Variants in STARD13 observed in about 807,000 individuals in gnomAD.
STARD13 encodes stAR-related lipid transfer protein 13.
Under a neutral mutation model 106.4 loss-of-function variants are expected in STARD13, and 62 were observed. The observed-to-expected ratio is 0.58, with a 90% CI of 0.48 to 0.72. The LOEUF is 0.72. Ranked by LOEUF, STARD13 falls within the 30% of genes least tolerant of loss-of-function variation. The pLI, the probability that STARD13 is intolerant of heterozygous loss-of-function variation, is 0.00. For synonymous variants in STARD13, 565 were observed against 553.0 expected (o/e 1.02, Z -0.31); for missense variants, 1,387 against 1,424.0 (o/e 0.97, Z 0.42).
chr13:33,248,767 T>G (rs1297669978), intron 1 of STARD13, among the ~76,000 whole-genome samples: 3 of 152,258 alleles, frequency 2.0e-5, no homozygotes, highest in African/African-American at 7.2e-5. Context: ...TCCTTTCCCT[T>G]ATTCAGTGTT....
the STARD13 span, among the ~76,000 whole-genome samples, chr13:33,428,885 A>C: frequency 7.2e-5 from 11 of 152,250 alleles, no homozygotes; most frequent in African/African-American, 2.7e-4. Context: ...CATTTCTCAA[A>C]AGGAGACATG....
At chr13:33,392,710 G>C in the STARD13 span, among the ~76,000 whole-genome samples, 1 of 152,180 alleles carries the variant, frequency 6.6e-6, no homozygotes, top group Non-Finnish European at 1.5e-5. Flanking sequence ...TGGTAATCAA[G>C]TTCTACATTT....
intron 3 of STARD13, among the ~76,000 whole-genome samples, chr13:33,156,653 G>A (rs1460630417): frequency 6.6e-6 from 1 of 152,032 alleles, no homozygotes; most frequent in East Asian, 1.9e-4. Flanking sequence ...CTCTGTAAAG[G>A]GGGAATGATG....
the STARD13 span, among the ~76,000 whole-genome samples, chr13:33,469,988 G>A: frequency 2.0e-5 from 3 of 152,026 alleles, no homozygotes; most frequent in African/African-American, 7.2e-5. Flanking sequence ...ATGTGCCATG[G>A]TGGTTTGCTG....
chr13:33,216,047 AAAAAAAT>A (rs1204864277), intron 1 of STARD13, among the ~76,000 whole-genome samples: 1 of 152,148 alleles, frequency 6.6e-6, no homozygotes, highest in East Asian at 1.9e-4. Flanking sequence ...GGCCATAATA[AAAAAAAT>A]AAAAAATAAA....
rs1311954430 is a variant in STARD13, at chr13:33,129,056, CAG to C, written c.1619_1620del (p.Ser540CysfsTer10). ...CTGGGTGTCGTCCGACCTTCTGAGACAGAGTTACCTTCAAAATCTAAGGTGAT... is the reference window on the plus strand; with the variant it reads ...CTGGGTGTCGTCCGACCTTCTGAGACAGTTACCTTCAAAATCTAAGGTGAT... ...NQITLDFEGN[S>X]VSEGRTTPSD... On this transcript the variant is annotated frameshift_variant, in exon 5 of 14. Transcript: ENST00000336934. LOFTEE classifies it high-confidence loss of function. The C allele has an allele frequency of 6.2e-7, 1 of 1,614,012 alleles. No homozygotes were observed. Among genetic ancestry groups the C allele is most frequent in the Non-Finnish European group, 8.5e-7 (1 of 1,180,040 alleles).
intron 1 of STARD13, among the ~76,000 whole-genome samples, chr13:33,216,682 C>A (rs1055060287): frequency 1.3e-5 from 2 of 152,058 alleles, no homozygotes; most frequent in African/African-American, 4.8e-5. Flanking sequence ...CTCATGTAAC[C>A]AAACACCGCC....
the STARD13 span, among the ~76,000 whole-genome samples, chr13:33,674,644 C>T: frequency 6.6e-6 from 1 of 152,110 alleles, no homozygotes; most frequent in Non-Finnish European, 1.5e-5. Flanking sequence ...AGGGAAAGAC[C>T]CCAGACTGTC....
At chr13:33,167,755 T>C (rs1883497048) in intron 1 of STARD13, 133 bp from the exon 2 acceptor site, 23 of 815,346 alleles carry the variant, frequency 2.8e-5, no homozygotes, top group Middle Eastern at 6.1e-4. Flanking sequence ...TAAGTCTGCA[T>C]AAGTAGGCTT....
At chr13:33,220,431 G>A (rs997829586) in intron 1 of STARD13, among the ~76,000 whole-genome samples, 6 of 152,192 alleles carry the variant, frequency 3.9e-5, no homozygotes, top group Admixed American at 6.5e-5. Context: ...GGTGGCTCAC[G>A]CCTGTAATCC....
the STARD13 span, among the ~76,000 whole-genome samples, chr13:33,549,239 A>G: frequency 1.3e-5 from 2 of 152,218 alleles, no homozygotes; most frequent in African/African-American, 4.8e-5. Flanking sequence ...ACATTCTTCC[A>G]TCTTATGTTT....
chr13:33,167,500 T>C, intron 2 of STARD13, 51 bp downstream of exon 2: 1 of 1,580,610 alleles, frequency 6.3e-7, no homozygotes, highest in African/African-American at 1.3e-5. Flanking sequence ...ATACGTGTGG[T>C]TCATTTTGGA....
intron 3 of STARD13, among the ~76,000 whole-genome samples, chr13:33,156,062 T>C (rs1480296308): frequency 6.6e-6 from 1 of 152,226 alleles, no homozygotes; most frequent in Non-Finnish European, 1.5e-5. Context: ...TTGGCTGCAT[T>C]ACGCCCCCAT....
chr13:33,204,228 T>C (rs1293488741), intron 1 of STARD13, among the ~76,000 whole-genome samples: 4 of 152,212 alleles, frequency 2.6e-5, no homozygotes, highest in African/African-American at 9.7e-5. Flanking sequence ...GTTTAGCTCA[T>C]GCAGAACATA....
chr13:33,600,036 C>G, the STARD13 span, among the ~76,000 whole-genome samples: 1 of 152,176 alleles, frequency 6.6e-6, no homozygotes, highest in Non-Finnish European at 1.5e-5. Context: ...CCACAGGGAA[C>G]CCATCTGACT....
chr13:33,507,207 A>C, the STARD13 span, among the ~76,000 whole-genome samples: 18 of 152,356 alleles, frequency 1.2e-4, no homozygotes, highest in Admixed American at 3.3e-4. Context: ...AGAAGCAGAT[A>C]TAAAAATTCA....
Position 33,118,208 on chromosome 13 carries a change from A to G in STARD13, c.2138T>C (p.Met713Thr). ...GACGTTCTCAGGGAAGTTTTCATTC[A>G]TTTGGCGAAGGGCATGGATTCGAGA... is the stretch of plus-strand genomic sequence containing the variant. ...VKSRIHALRQ[M>T]NENFPENVNY... is the part of the protein sequence containing the mutation. The change falls in exon 8 of 14, where the codon ATG (methionine) becomes ACG (threonine). Residue 713 changes from methionine (M) to threonine (T), a missense_variant. By Grantham distance (81) the Met-to-Thr change is moderately conservative (BLOSUM62 -1). Coordinates refer to ENST00000336934, the MANE Select transcript of STARD13 (RefSeq NM_178006.4). The G allele has an allele frequency of 6.2e-7, 1 of 1,614,188 alleles. No homozygotes were observed. Among genetic ancestry groups the G allele is most frequent in the Non-Finnish European group, 8.5e-7 (1 of 1,180,038 alleles).
intron 1 of STARD13, among the ~76,000 whole-genome samples, chr13:33,214,337 G>A (rs1887901503): frequency 6.6e-6 from 1 of 152,194 alleles, no homozygotes; most frequent in African/African-American, 2.4e-5. Context: ...TATCTAAAAA[G>A]TCTAGGAATC....
intron 1 of STARD13, among the ~76,000 whole-genome samples, chr13:33,250,265 C>T (rs936245909): frequency 6.6e-6 from 1 of 152,116 alleles, no homozygotes; most frequent in Admixed American, 6.5e-5. Context: ...CTTTGGGGGG[C>T]CAATTATCTC....
Sources: allele counts gnomAD v4.1 joint callset (sites outside exome capture counted in the v4.1 genomes callset), GRCh38; gene constraint gnomAD v4.1.1; transcripts MANE v1.5; gene names NCBI Gene and HGNC (gene_info 2026-07-23, HGNC 2026-07-21).